The following MALT1 variants were observed in gnomAD, a reference collection of about 807,000 sequenced individuals.
MALT1 encodes MALT1 paracaspase.
Under a neutral mutation model 85.5 loss-of-function variants are expected in MALT1, and 36 were observed. The ratio of observed to expected loss-of-function variants is 0.42; its 90% confidence interval spans 0.32 to 0.56. The LOEUF is 0.56. MALT1 is among the 20% of genes least tolerant of loss of function. The probability of loss-of-function intolerance (pLI) is 0.10; values close to 1 mark genes in which losing one functional copy is unlikely to be tolerated. For synonymous variants in MALT1, 359 were observed against 361.3 expected (o/e 0.99, Z 0.07); for missense variants, 716 against 981.6 (o/e 0.73, Z 3.62).
intron 9 of MALT1, 116 bp downstream of exon 9, chr18:58,716,083 A>T (rs556253705): frequency 1.4e-6 from 1 of 729,134 alleles, no homozygotes; most frequent in Non-Finnish European, 2.3e-6. Flanking sequence ...TTGGGACCAA[A>T]TGTTTTATTT....
chr18:58,743,770 C>G (rs970546948), intron 14 of MALT1, among the ~76,000 whole-genome samples: 2 of 152,014 alleles, frequency 1.3e-5, no homozygotes, highest in Admixed American at 6.6e-5. Context: ...TTTTTAATAC[C>G]ATCAAGTAGA....
intron 3 of MALT1, 111 bp from the exon 4 acceptor site, chr18:58,700,330 A>G (rs1000524162): frequency 8.9e-5 from 67 of 753,076 alleles, no homozygotes; most frequent in African/African-American, 1.8e-4. Flanking sequence ...AACTTGGGGG[A>G]AAAATGTTGC....
At chr18:58,691,771 G>A (rs1271464776) in intron 2 of MALT1, among the ~76,000 whole-genome samples, 1 of 152,090 alleles carries the variant, frequency 6.6e-6, no homozygotes, top group Non-Finnish European at 1.5e-5. Context: ...TACTCAGGAG[G>A]CTGAGGCAGG....
intron 3 of MALT1, among the ~76,000 whole-genome samples, chr18:58,697,912 A>T (rs1433678008): frequency 6.6e-6 from 1 of 152,178 alleles, no homozygotes; most frequent in East Asian, 1.9e-4. Context: ...GCCAGTGGGG[A>T]CAGAGCAAGT....
chr18:58,689,213 G>A (rs1010193713), intron 2 of MALT1, among the ~76,000 whole-genome samples: 1 of 149,778 alleles, frequency 6.7e-6, no homozygotes, highest in African/African-American at 2.5e-5. Flanking sequence ...CCTTTAAAAG[G>A]CAAGAAAACC....
rs150590191 is a variant in MALT1, at chr18:58,700,583, G to T, written c.641G>T (p.Ser214Ile). Reference protein sequence around the residue: ...SQLDVCDIPESFQRSVDGVSE... With the variant: ...SQLDVCDIPEIFQRSVDGVSE... ...CTGGATGTTTGCGACATCCCAGAGA[G>T]CTTCCAGAGTAAGTAACGAAAGAAG... Residue 214 changes from serine (S) to isoleucine (I), a missense_variant, in exon 4 of 17, where the codon AGC (serine) becomes ATC (isoleucine). This residue lies in a region of MALT1 where 290 missense variants were observed against 380.5 expected (regional missense o/e 0.76). Transcript: ENST00000649217. 2.4e-5 allele frequency: 39 copies of T among 1,595,322 alleles called. No homozygotes were observed. The highest frequency in any genetic ancestry group is 9.1e-5 in the Admixed American group (5 of 54,692).
In MALT1 at chr18:58,671,542, C is replaced by T; in HGVS notation, c.-102C>T. 1.4e-6 allele frequency: 1 copy of T among 714,676 alleles called. No individual in the cohort carries two copies. The highest frequency in any genetic ancestry group is 1.9e-6 in the Non-Finnish European group (1 of 523,526). The allele number at this position is 714,676 out of a possible 1,614,324, so 44.3% of individuals were successfully genotyped here. A position where few individuals can be genotyped will look rare whatever the true frequency, so the allele number is the denominator to read the frequency against. Reference sequence around the variant, plus strand: ...CGCGCTGCCAGATTTGTTCTTCCGCCCCTGCCTCCGCGGCTCGGAGGCGAG... The same window carrying T: ...CGCGCTGCCAGATTTGTTCTTCCGCTCCTGCCTCCGCGGCTCGGAGGCGAG... On this transcript the variant is annotated 5_prime_UTR_variant, in exon 1 of 17. Transcript: ENST00000649217.
Position 58,683,543 on chromosome 18 carries a change from G to T in MALT1, c.376+2207G>T, listed in dbSNP as rs543409929. Among the ~76,000 whole-genome samples the T allele has an allele frequency of 2.0e-5, 3 of 152,218 alleles. No individual in the cohort carries two copies. In the South Asian group the frequency reaches 6.2e-4, roughly 32 times the overall value. On this transcript the variant is annotated intron_variant, in intron 2 of 16. Transcript: ENST00000649217. ...TTTAAGTTTCCCATATGTGAAACCG[G>T]GCTTGACTGAAATTGAGTCATATAT...
chr18:58,744,996 G>A (rs146544575), intron 15 of MALT1, among the ~76,000 whole-genome samples: 1 of 152,248 alleles, frequency 6.6e-6, no homozygotes, highest in Non-Finnish European at 1.5e-5. Flanking sequence ...AGCAAGCAAG[G>A]AGTAAGACAA....
chr18:58,734,572 T>A, intron 12 of MALT1, 191 bp downstream of exon 12: 3 of 552,106 alleles, frequency 5.4e-6, no homozygotes, highest in Non-Finnish European at 9.7e-6. Flanking sequence ...TACAGGCATG[T>A]GCCACTGTGC....
At chr18:58,709,038 G>A (rs1017649925) in intron 4 of MALT1, among the ~76,000 whole-genome samples, 1 of 152,144 alleles carries the variant, frequency 6.6e-6, no homozygotes, top group Non-Finnish European at 1.5e-5. Context: ...TGTTTGCCTC[G>A]ATCAAAAAGA....
At position 58,671,506 on chromosome 18, in the gene MALT1, G is replaced by A. The variant is rs1010811189; in HGVS notation, c.-138G>A. 23 of 488,182 alleles carry A rather than the reference G, an allele frequency of 4.7e-5. No homozygotes were observed. The highest frequency in any genetic ancestry group is 4.2e-4 in the African/African-American group (21 of 49,628). The allele number at this position is 488,182 out of a possible 1,614,324, so 30.2% of individuals were successfully genotyped here. ...GGCGGGGAGCGGAGCTTCCTCCTCT[G>A]AGGGCCGTGCCGCGCTGCCAGATTT... On this transcript the variant is annotated 5_prime_UTR_variant, in exon 1 of 17. Coordinates refer to ENST00000649217, the MANE Select transcript of MALT1 (RefSeq NM_006785.4).
chr18:58,747,891 T>C lies in MALT1; in HGVS notation c.*49T>C. ...ATAATTTTAGATGCCTGTGAAATAG[T>C]ACTGCACTTACATAAAGTGAGACAT... On this transcript the variant is annotated 3_prime_UTR_variant, in exon 17 of 17. Transcript: ENST00000649217. 9 of 1,441,282 alleles carry C rather than the reference T, an allele frequency of 6.2e-6. No individual in the cohort carries two copies. Among genetic ancestry groups the C allele is most frequent in the Non-Finnish European group, 6.7e-6 (7 of 1,040,222 alleles). The allele number at this position is 1,441,282 out of a possible 1,614,324, so 89.3% of individuals were successfully genotyped here.
chr18:58,729,273 T>G (rs2055110010), intron 10 of MALT1, among the ~76,000 whole-genome samples: 1 of 152,104 alleles, frequency 6.6e-6, no homozygotes, highest in African/African-American at 2.4e-5. Flanking sequence ...GCAGATCACC[T>G]GAGGTCTGGA....
intron 7 of MALT1, among the ~76,000 whole-genome samples, chr18:58,712,029 G>A (rs761932218): frequency 1.3e-5 from 2 of 152,176 alleles, no homozygotes; most frequent in East Asian, 1.9e-4. Context: ...AGCTAGCCCC[G>A]CTGTTTGGCT....
chr18:58,728,874 G>A (rs2055103784), intron 10 of MALT1, among the ~76,000 whole-genome samples: 1 of 152,148 alleles, frequency 6.6e-6, no homozygotes, highest in South Asian at 2.1e-4. Context: ...CCTTCCCTCA[G>A]AGTTGTATCT....
chr18:58,745,647 C>G lies in MALT1; in HGVS notation c.1912-19C>G. 1 of 1,592,158 alleles carries G rather than the reference C, an allele frequency of 6.3e-7. No homozygotes were observed. The highest frequency in any genetic ancestry group is 1.3e-5 in the African/African-American group (1 of 74,192). On this transcript the variant is annotated intron_variant, in intron 15 of 16. Coordinates refer to ENST00000649217, the MANE Select transcript of MALT1 (RefSeq NM_006785.4). ...TCATTGATTTCATTATTAACAGTCC[C>G]TAATTTTTTTTTTTACAGGATCTAG...
rs12232641 is a variant in MALT1, at chr18:58,750,829, A to G, written c.*2987A>G. On this transcript the variant is annotated 3_prime_UTR_variant, in exon 17 of 17. Transcript: ENST00000649217. Reference sequence around the variant, plus strand: ...TGGGCTTAGGAATGGTTTCTTAGACATAATACCAAAAGCACAAGCAACAAA... The same window carrying G: ...TGGGCTTAGGAATGGTTTCTTAGACGTAATACCAAAAGCACAAGCAACAAA... The G allele has an allele frequency of 2.8e-4, 42 of 152,350 alleles. No homozygotes were observed. In the East Asian group the frequency reaches 7.9e-3, roughly 29 times the overall value. 9.4% of individuals were successfully genotyped at this position (152,350 alleles called of 1,614,324 possible).
intron 3 of MALT1, among the ~76,000 whole-genome samples, chr18:58,699,880 C>T (rs1489639408): frequency 6.6e-6 from 1 of 152,208 alleles, no homozygotes; most frequent in Admixed American, 6.5e-5. Context: ...CATTGATATG[C>T]TTTCCATAGC....
Sources: gnomAD v4.1 joint callset for allele counts (sites outside exome capture counted in the v4.1 genomes callset) on GRCh38, gnomAD v4.1.1 for gene constraint, gnomAD v4.1.1 regional missense constraint, MANE v1.5 for transcripts, NCBI Gene and HGNC (gene_info 2026-07-23, HGNC 2026-07-21) for gene names.